Variants in SLC17A2 observed in about 807,000 individuals in gnomAD.
SLC17A2 encodes solute carrier family 17 member 2.
A neutral mutation model predicts 52.1 loss-of-function variants in SLC17A2; 38 were observed. The observed-to-expected ratio is 0.73, with a 90% confidence interval of 0.56 to 0.96. The LOEUF is 0.96. SLC17A2 is among the 40% of genes least tolerant of loss of function. The pLI is 0.00. For missense variants in SLC17A2, 508 were observed against 583.9 expected, an observed-to-expected ratio of 0.87 and a Z score of 1.34; for synonymous variants, 226 against 211.9, an observed-to-expected ratio of 1.07 and a Z score of -0.58.
chr6:25,914,806 AT>A, intron 10 of SLC17A2, 136 bp from the exon 11 acceptor site: 1 of 610,150 alleles, frequency 1.6e-6, no homozygotes, highest in East Asian at 2.8e-5. Flanking sequence ...ACCTAAAGAC[AT>A]TCAGGGCAAT....
At position 25,921,285 on chromosome 6, in the gene SLC17A2, C is replaced by T; in HGVS notation, c.368G>A (p.Gly123Asp). The T allele has an allele frequency of 1.2e-6, 2 of 1,614,150 alleles. No homozygotes were observed. The highest frequency in any genetic ancestry group is 1.7e-6 in the Non-Finnish European group (2 of 1,180,028). The change falls in exon 4 of 12, where the codon GGT (glycine) becomes GAT (aspartate). Residue 123 changes from glycine (G) to aspartate (D), a missense_variant. Physicochemically the swap from Gly to Asp is moderately conservative, Grantham distance 94. Coordinates refer to ENST00000377850, the MANE Select transcript of SLC17A2 (RefSeq NM_001286123.3). ...AGIFGAKKMLGAGLLISSLLT... is the reference protein window; with the variant it reads ...AGIFGAKKMLDAGLLISSLLT... ...AAGGGAAGAGATCAGCAAACCAGCA[C>T]CAAGCATTTTTTTTGCTCCAAATAT...
At chr6:25,917,507 G>A (rs1445873545) in intron 6 of SLC17A2, among the ~76,000 whole-genome samples, 14 of 152,116 alleles carry the variant, frequency 9.2e-5, no homozygotes, top group Admixed American at 9.2e-4. Flanking sequence ...CATGTGGCAG[G>A]GAAAAATTTC....
At position 25,915,527 on chromosome 6, in the gene SLC17A2, T is replaced by C; in HGVS notation, c.1183A>G (p.Ile395Val). 6.4e-7 allele frequency: 1 copy of C among 1,560,664 alleles called. No individual in the cohort carries two copies. Among genetic ancestry groups the C allele is most frequent in the Non-Finnish European group, 8.7e-7 (1 of 1,152,618 alleles). Residue 395 changes from isoleucine (I) to valine (V), a missense_variant, in exon 10 of 12, where the codon ATC becomes GTC. Coordinates refer to ENST00000377850, the MANE Select transcript of SLC17A2 (RefSeq NM_001286123.3). Reference sequence around the variant, plus strand: ...GGGGCGATATCTAAGGTGTTGATGATAAACCCTGAGTCACATAGGTTACTG... The same window carrying C: ...GGGGCGATATCTAAGGTGTTGATGACAAACCCTGAGTCACATAGGTTACTG... Reference protein sequence around the residue: ...GTSNLCDSGFIINTLDIAPRY... With the variant: ...GTSNLCDSGFVINTLDIAPRY...
In SLC17A2 at chr6:25,914,036, G is replaced by A. The variant is rs144093808; in HGVS notation, c.1302+544C>T. On this transcript the variant is annotated intron_variant, in intron 11 of 11. Transcript: ENST00000377850. ...AACTTCTCTTTGTAAGTTGGTTCTC[G>A]TCAGTCCTTCCATCCCTGCCTGGGT... Among the ~76,000 whole-genome samples, 1,448 of 152,230 alleles carry A rather than the reference G, an allele frequency of 9.5e-3. 16 individuals carry two copies. Among genetic ancestry groups the A allele is most frequent in the Non-Finnish European group, 0.013 (897 of 67,996 alleles).
intron 1 of SLC17A2, among the ~76,000 whole-genome samples, chr6:25,926,909 A>G (rs1394618436): frequency 6.6e-6 from 1 of 152,144 alleles, no homozygotes; most frequent in Non-Finnish European, 1.5e-5. Flanking sequence ...TCTACTAAAA[A>G]TACAAAAACA....
rs966441083 is a variant in SLC17A2 at position 25,913,164 on chromosome 6, A to T, written c.*153T>A. ...ATTCAGAATCTCTGGAGTGGGTCCC[A>T]AGTATCAGTGTCTTATAAAGGCTCC... On this transcript the variant is annotated 3_prime_UTR_variant, in exon 12 of 12. Transcript: ENST00000377850. The T allele has an allele frequency of 1.1e-5, 8 of 745,338 alleles. No homozygotes were observed. Among genetic ancestry groups the T allele is most frequent in the Non-Finnish European group, 1.8e-5 (8 of 443,022 alleles). The allele number at this position is 745,338 out of a possible 1,614,324, so 46.2% of individuals were successfully genotyped here.
At chr6:25,924,083 AG>A (rs1461680552) in intron 2 of SLC17A2, among the ~76,000 whole-genome samples, 177 bp from the exon 3 acceptor site, 1 of 152,192 alleles carries the variant, frequency 6.6e-6, no homozygotes, top group Non-Finnish European at 1.5e-5. Flanking sequence ...GTTGGCTTCA[AG>A]ACAGCGAATA....
chr6:25,913,980 A>T (rs1488453461), intron 11 of SLC17A2, among the ~76,000 whole-genome samples: 1 of 152,158 alleles, frequency 6.6e-6, no homozygotes, highest in Admixed American at 6.5e-5. Flanking sequence ...TAACCTGGGA[A>T]CTTGATCACA....
In SLC17A2 at chr6:25,917,038, A is replaced by G. The variant is rs911110053; in HGVS notation, c.699T>C (p.Asp233=). ...CCLLWFTVIY[D]DPMHHPCISV... ...TTATGCACGGGTGATGCATGGGGTC[A>G]TCATAAATCACTGTGAACCATAGGA... is the stretch of plus-strand genomic sequence containing the variant. The change falls in exon 7 of 12, where the codon GAT becomes GAC. Residue 233 remains aspartate (D), a synonymous_variant. Coordinates refer to ENST00000377850, the MANE Select transcript of SLC17A2 (RefSeq NM_001286123.3). 8 of 1,614,092 alleles carry G rather than the reference A, an allele frequency of 5.0e-6. No individual in the cohort carries two copies. The highest frequency in any genetic ancestry group is 6.8e-6 in the Non-Finnish European group (8 of 1,180,048).
At chr6:25,925,396 C>T (rs764333106) in intron 2 of SLC17A2, among the ~76,000 whole-genome samples, 3 of 151,454 alleles carry the variant, frequency 2.0e-5, no homozygotes, top group Non-Finnish European at 4.4e-5. Context: ...GCCTGTAGTC[C>T]AAGCTACTCG....
chr6:25,913,144 G>T lies in SLC17A2; in HGVS notation c.*173C>A, dbSNP rs376012006. Reference sequence around the variant, plus strand: ...GTTCCACCCCAGACCAATTCATTCAGAATCTCTGGAGTGGGTCCCAAGTAT... The same window carrying T: ...GTTCCACCCCAGACCAATTCATTCATAATCTCTGGAGTGGGTCCCAAGTAT... On this transcript the variant is annotated 3_prime_UTR_variant, in exon 12 of 12. Coordinates refer to ENST00000377850, the MANE Select transcript of SLC17A2 (RefSeq NM_001286123.3). 8 of 652,964 alleles carry T rather than the reference G, an allele frequency of 1.2e-5. 2 individuals carry two copies. Among genetic ancestry groups the T allele is most frequent in the African/African-American group, 5.4e-5 (3 of 55,168 alleles). 40.4% of individuals were successfully genotyped at this position (652,964 alleles called of 1,614,324 possible).
At position 25,915,843 on chromosome 6, in the gene SLC17A2, A is replaced by C. The variant is rs958132158; in HGVS notation, c.956T>G (p.Phe319Cys). 1 of 1,614,028 alleles carries C rather than the reference A, an allele frequency of 6.2e-7. No individual in the cohort carries two copies. Among genetic ancestry groups the C allele is most frequent in the African/African-American group, 1.3e-5 (1 of 74,934 alleles). ...RDSGVLSSLP[F>C]IAAASCTILG... ...AATTGTACAGCTTGCAGCAGCAATAAAAGGCAGGGAGGACAGAACTCCACT... is the reference window on the plus strand; with the variant it reads ...AATTGTACAGCTTGCAGCAGCAATACAAGGCAGGGAGGACAGAACTCCACT... The change falls in exon 9 of 12, where the codon TTT becomes TGT. Residue 319 changes from phenylalanine (F) to cysteine (C), a missense_variant. Physicochemically the swap from Phe to Cys is radical, Grantham distance 205. Transcript: ENST00000377850.
chr6:25,919,128 A>G (rs1406838655), intron 5 of SLC17A2, among the ~76,000 whole-genome samples: 1 of 152,232 alleles, frequency 6.6e-6, no homozygotes, highest in Non-Finnish European at 1.5e-5. Flanking sequence ...AACATAACAC[A>G]CACACCAATA....
rs183507863 is a variant in SLC17A2 at position 25,928,894 on chromosome 6, A to T, written c.-84+1383T>A. Among the ~76,000 whole-genome samples, 1,217 of 152,290 alleles carry T rather than the reference A, an allele frequency of 8.0e-3. 10 individuals carry two copies. The highest frequency in any genetic ancestry group is 0.044 in the Middle Eastern group (13 of 294). On this transcript the variant is annotated intron_variant, in intron 1 of 11. Coordinates refer to ENST00000377850, the MANE Select transcript of SLC17A2 (RefSeq NM_001286123.3). The stretch of plus-strand genomic sequence containing the variant: ...GTTGTAAGTAGACACAGAAAAATGA[A>T]TTGAAATTAAGTTAAAGGAAAATGT...
At chr6:25,923,616 A>G (rs1027780619) in intron 3 of SLC17A2, 79 bp downstream of exon 3, 1 of 1,073,438 alleles carries the variant, frequency 9.3e-7, no homozygotes, top group Non-Finnish European at 1.4e-6. Flanking sequence ...ATACTTCCAT[A>G]CTCCACAGAA....
intron 3 of SLC17A2, among the ~76,000 whole-genome samples, chr6:25,922,281 G>A (rs1041528552): frequency 2.6e-5 from 4 of 152,152 alleles, no homozygotes; most frequent in Admixed American, 6.5e-5. Context: ...GTCCCAGAAA[G>A]GAAGCAATAC....
intron 5 of SLC17A2, among the ~76,000 whole-genome samples, chr6:25,919,364 C>A (rs1366903137): frequency 1.3e-5 from 2 of 151,878 alleles, no homozygotes; most frequent in Non-Finnish European, 2.9e-5. Context: ...AATAAAACTA[C>A]AATGTACGTG....
chr6:25,914,064 G>A (rs562300656), intron 11 of SLC17A2, among the ~76,000 whole-genome samples: 35 of 152,274 alleles, frequency 2.3e-4, no homozygotes, highest in Non-Finnish European at 1.9e-4. Context: ...GCCTGGGTCT[G>A]TCTTTTCATC....
At chr6:25,913,592 T>C in intron 11 of SLC17A2, 141 bp from the exon 12 acceptor site, 1 of 786,046 alleles carries the variant, frequency 1.3e-6, no homozygotes, top group South Asian at 2.2e-5. Flanking sequence ...AGAAAGTTTA[T>C]GAAACTATTG....
Sources: allele counts gnomAD v4.1 joint callset (sites outside exome capture counted in the v4.1 genomes callset), GRCh38; gene constraint gnomAD v4.1.1; transcripts MANE v1.5; gene names NCBI Gene and HGNC (gene_info 2026-07-23, HGNC 2026-07-21).